NOS2: variants seen among roughly 807,000 people sequenced by gnomAD.
The protein encoded by NOS2 is nitric oxide synthase, inducible.
NOS2 carries 96 observed loss-of-function variants against 136.0 expected under a neutral mutation model. The observed-to-expected ratio is 0.71, with a 90% CI of 0.60 to 0.84. The LOEUF (loss-of-function observed/expected upper bound fraction) is 0.84, where lower values mean the gene tolerates loss of function less well. Ranked by LOEUF, NOS2 falls within the 40% of genes least tolerant of loss-of-function variation. The pLI, the probability that NOS2 is intolerant of heterozygous loss-of-function variation, is 0.00. For missense variants in NOS2, 1,237 were observed against 1,496.9 expected, an observed-to-expected ratio of 0.83 and a Z score of 2.87; for synonymous variants, 539 against 587.5, an observed-to-expected ratio of 0.92 and a Z score of 1.20.
chr17:27,767,146 C>A (rs934667184), intron 18 of NOS2, among the ~76,000 whole-genome samples: 4 of 152,064 alleles, frequency 2.6e-5, no homozygotes, highest in African/African-American at 9.7e-5. Flanking sequence ...CACAGGAGAG[C>A]ATTGTTGACA....
intron 16 of NOS2, 46 bp from the exon 17 acceptor site, chr17:27,769,197 C>G: frequency 6.5e-7 from 1 of 1,549,838 alleles, no homozygotes; most frequent in Non-Finnish European, 8.7e-7. Flanking sequence ...GCAAGCAGCA[C>G]CTGGCACCCA....
rs181101570 is a variant in NOS2 at position 27,783,500 on chromosome 17, C to T, written c.468-394G>A. 7.5e-4 allele frequency among the ~76,000 whole-genome samples: 114 copies of T among 152,188 alleles called. 3 individuals carry two copies. Among genetic ancestry groups the T allele is most frequent in the Non-Finnish European group, 1.5e-5 (1 of 68,016 alleles). On this transcript the variant is annotated intron_variant, in intron 5 of 26. Transcript: ENST00000313735. ...CACTTGCAAGCCTGGGAGGAGTGTC[C>T]CATCCAGCCATAGCAATGTCCTGCC...
intron 18 of NOS2, among the ~76,000 whole-genome samples, chr17:27,766,812 C>T (rs757261966): frequency 3.3e-5 from 5 of 151,880 alleles, no homozygotes; most frequent in Admixed American, 1.3e-4. Context: ...TTTTGGAGGC[C>T]GCGGTGGGTG....
intron 1 of NOS2, among the ~76,000 whole-genome samples, chr17:27,800,114 T>A (rs1189429232): frequency 6.6e-6 from 1 of 152,138 alleles, no homozygotes; most frequent in Non-Finnish European, 1.5e-5. Flanking sequence ...TTTCAGAAAG[T>A]TTTTCCTTGT....
In NOS2 at chr17:27,757,023, C is replaced by T; in HGVS notation, c.*223G>A. 1 of 465,388 alleles carries T rather than the reference C, an allele frequency of 2.1e-6. No individual in the cohort carries two copies. Among genetic ancestry groups the T allele is most frequent in the Non-Finnish European group, 3.8e-6 (1 of 266,644 alleles). 28.8% of individuals were successfully genotyped at this position (465,388 alleles called of 1,614,324 possible). On this transcript the variant is annotated 3_prime_UTR_variant, in exon 27 of 27. Coordinates refer to ENST00000313735, the MANE Select transcript of NOS2 (RefSeq NM_000625.4). ...ATTTAAGATTTTGTCTCCAAGGGAC[C>T]AGGGAGGCCCCAGTTTGAGAGAGGA...
chr17:27,797,956 T>C (rs531500471), intron 2 of NOS2, among the ~76,000 whole-genome samples: 5 of 152,192 alleles, frequency 3.3e-5, no homozygotes, highest in Non-Finnish European at 7.3e-5. Context: ...GTCAATCATA[T>C]GAACTTCAAA....
intron 5 of NOS2, among the ~76,000 whole-genome samples, chr17:27,784,359 CT>C (rs1297693200): frequency 1.3e-5 from 2 of 152,208 alleles, no homozygotes; most frequent in Non-Finnish European, 1.5e-5. Context: ...AGACAAAACA[CT>C]GATGATATTT....
intron 1 of NOS2, among the ~76,000 whole-genome samples, chr17:27,799,294 C>T (rs147669398): frequency 9.9e-4 from 151 of 152,312 alleles, no homozygotes; most frequent in African/African-American, 2.9e-3. Context: ...CAGCAGCTCT[C>T]ATTATCAACT....
rs369925440 is a variant in NOS2, at chr17:27,775,734, T to C, written c.1282-1283A>G. On this transcript the variant is annotated intron_variant, in intron 11 of 26. Transcript: ENST00000313735. The stretch of plus-strand genomic sequence containing the variant: ...AGGAGGTCAAGGCTGCAGTGAGCCA[T>C]GATTGGGCCACTGCACTCCAGTCTG... Among the ~76,000 whole-genome samples the C allele has an allele frequency of 3.9e-5, 6 of 152,034 alleles. No individual in the cohort carries two copies. In the East Asian group the frequency reaches 9.7e-4, roughly 24 times the overall value.
chr17:27,763,142 G>A (rs952398866), intron 21 of NOS2, 137 bp from the exon 22 acceptor site: 29 of 619,034 alleles, frequency 4.7e-5, no homozygotes, highest in Non-Finnish European at 5.8e-5. Context: ...CCATGGTGCT[G>A]AGACGACCAA....
intron 17 of NOS2, 54 bp downstream of exon 17, chr17:27,768,923 A>T: frequency 4.6e-6 from 7 of 1,509,628 alleles, no homozygotes; most frequent in South Asian, 2.6e-5. Context: ...TGTCCTAGGC[A>T]TGAATGCACC....
intron 5 of NOS2, among the ~76,000 whole-genome samples, chr17:27,786,111 C>T (rs752552413): frequency 2.0e-5 from 3 of 151,660 alleles, no homozygotes; most frequent in Non-Finnish European, 4.4e-5. Flanking sequence ...GCAACACTCC[C>T]CTTCCAGCCT....
chr17:27,763,598 C>G (rs28944182), intron 21 of NOS2, among the ~76,000 whole-genome samples: 2,008 of 152,298 alleles, frequency 0.013, 39 homozygotes, highest in African/African-American at 0.046. Flanking sequence ...TAATTCAGCT[C>G]TCCATCTGTC....
intron 2 of NOS2, chr17:27,793,655 G>T: frequency 2.5e-6 from 1 of 397,038 alleles, no homozygotes. Flanking sequence ...CACAGCCGGG[G>T]CCCGGCGGCC....
chr17:27,760,312 G>A (rs1304791700), intron 24 of NOS2, 134 bp from the exon 25 acceptor site: 7 of 950,012 alleles, frequency 7.4e-6, no homozygotes, highest in African/African-American at 1.7e-5. Context: ...TGAGGAAACT[G>A]AGGCCCAGCG....
intron 15 of NOS2, among the ~76,000 whole-genome samples, chr17:27,770,576 A>G (rs1908459836): frequency 6.6e-6 from 1 of 152,264 alleles, no homozygotes; most frequent in Admixed American, 6.5e-5. Flanking sequence ...AGGGAATAGT[A>G]TCTAGCTAAA....
Position 27,766,587 on chromosome 17 carries a change from G to C in NOS2, c.2169C>G (p.Ala723=). The change falls in exon 19 of 27, where the codon GCC becomes GCG. Residue 723 remains alanine, a splice_region_variant and synonymous_variant. Transcript: ENST00000313735. ...QDSQPLDLSK[A]LSSMHAKNVF... ...CGTTCTTGGCATGCATGCTGCTGAG[G>C]GCTGTGGAGGACACAGAGACGGTGA... 6.2e-7 allele frequency: 1 copy of C among 1,613,776 alleles called. No individual in the cohort carries two copies.
At chr17:27,793,151 G>GT (rs912992978) in intron 2 of NOS2, among the ~76,000 whole-genome samples, 8 of 108,286 alleles carry the variant, frequency 7.4e-5, no homozygotes, top group Admixed American at 3.0e-4. Flanking sequence ...CTCCCTGCCT[G>GT]TTTACCTCGC....
intron 6 of NOS2, among the ~76,000 whole-genome samples, 159 bp downstream of exon 6, chr17:27,782,785 T>G (rs1908892658): frequency 6.6e-6 from 1 of 152,190 alleles, no homozygotes; most frequent in Admixed American, 6.5e-5. Context: ...AGAGGGACCC[T>G]AGGTGCCCCA....
Sources: gnomAD v4.1 joint callset for allele counts (sites outside exome capture counted in the v4.1 genomes callset) on GRCh38, gnomAD v4.1.1 for gene constraint, MANE v1.5 for transcripts, NCBI Gene and HGNC (gene_info 2026-07-23, HGNC 2026-07-21) for gene names.